ZNF398: variants seen among roughly 807,000 people sequenced by gnomAD.
The protein encoded by ZNF398 is zinc finger DNA binding protein ZER6.
ZNF398 carries 18 observed loss-of-function variants against 41.9 expected under a neutral mutation model. The ratio of observed to expected loss-of-function variants is 0.43; its 90% CI spans 0.30 to 0.64. The LOEUF (loss-of-function observed/expected upper bound fraction) is 0.64, where lower values mean the gene tolerates loss of function less well. Ranked by LOEUF, ZNF398 falls within the 30% of genes least tolerant of loss-of-function variation. The pLI, the probability that ZNF398 is intolerant of heterozygous loss-of-function variation, is 0.14. For synonymous variants in ZNF398, 260 were observed against 308.8 expected (o/e 0.84, Z 1.66); for missense variants, 669 against 822.8 (o/e 0.81, Z 2.29).
chr7:149,179,080 G>A lies in ZNF398; in HGVS notation c.1208G>A (p.Cys403Tyr), dbSNP rs1335782928. 1 of 1,613,956 alleles carries A rather than the reference G, an allele frequency of 6.2e-7. No individual in the cohort carries two copies. Among genetic ancestry groups the A allele is most frequent in the Non-Finnish European group, 8.5e-7 (1 of 1,180,026 alleles). Residue 403 changes from cysteine (C) to tyrosine (Y), a missense_variant, in exon 6 of 6, where the codon TGT becomes TAT. This residue lies in a region of ZNF398 where 290 missense variants were observed against 292.9 expected (regional missense o/e 0.99). Transcript: ENST00000475153. The surrounding 1 kb of genome is among the most constrained non-coding windows in gnomAD (Gnocchi z 6.1). ...GAGACACCCCCCACCTGCCCACACT[G>A]TGCCAGGACTTTTACTCACCCATCA... ...ASETPPTCPH[C>Y]ARTFTHPSRL...
chr7:149,128,396 G>A (rs189746160), intron 1 of ZNF398, among the ~76,000 whole-genome samples: 50 of 152,246 alleles, frequency 3.3e-4, no homozygotes, highest in African/African-American at 1.1e-3. Flanking sequence ...TTCTTAGGAT[G>A]TCTCATAGTG....
exon 1 of ZNF398, chr7:149,126,442 A>G (rs1360808239): frequency 2.8e-6 from 2 of 722,588 alleles, no homozygotes; most frequent in Non-Finnish European, 2.1e-6. Context: ...GGGCCCGGGC[A>G]CCCTCCGTGC....
chr7:149,142,889 A>G (rs80146038), upstream of ZNF398, among the ~76,000 whole-genome samples: 93 of 152,326 alleles, frequency 6.1e-4, no homozygotes, highest in African/African-American at 2.0e-3. Flanking sequence ...CCCATGGAAA[A>G]ATACAGTAAA....
At position 149,161,228 on chromosome 7, in the gene ZNF398, C is replaced by T. The variant is rs144307314; in HGVS notation, c.421-4930C>T. Among the ~76,000 whole-genome samples the T allele has an allele frequency of 9.9e-5, 15 of 152,216 alleles. No individual in the cohort carries two copies. The East Asian group carries it at 2.9e-3, about 29-fold the overall frequency. On this transcript the variant is annotated intron_variant, in intron 2 of 5. Coordinates refer to ENST00000475153, the MANE Select transcript of ZNF398 (RefSeq NM_170686.3). Reference sequence around the variant, plus strand: ...CTAGTAGAGACAATGGGCTGACAACCTGACTTCCAAAAAATATTGAGGAAA... The same window carrying T: ...CTAGTAGAGACAATGGGCTGACAACTTGACTTCCAAAAAATATTGAGGAAA...
intron 2 of ZNF398, among the ~76,000 whole-genome samples, chr7:149,157,996 C>T (rs1795021556): frequency 6.6e-6 from 1 of 150,696 alleles, no homozygotes. Context: ...GCAGGAGAAT[C>T]GCTTGAACCC....
chr7:149,166,859 CA>C lies in ZNF398; in HGVS notation c.591del (p.Glu198LysfsTer109). 1 of 1,613,202 alleles carries C rather than the reference CA, an allele frequency of 6.2e-7. No individual in the cohort carries two copies. The highest frequency in any genetic ancestry group is 8.5e-7 in the Non-Finnish European group (1 of 1,179,394). ...CCTGATGTCTTATCTCAGATTCAAC[CA>C]GAAGGGGAACATAATACAGAGGACC... ...NQPDVLSQIQ[P>X]EGEHNTEDQA... On this transcript the variant is annotated frameshift_variant, in exon 4 of 6. Transcript: ENST00000475153. LOFTEE classifies it high-confidence loss of function.
intron 1 of ZNF398, among the ~76,000 whole-genome samples, chr7:149,127,883 A>T (rs925528712): frequency 2.0e-5 from 3 of 152,088 alleles, no homozygotes; most frequent in Non-Finnish European, 4.4e-5. Flanking sequence ...TCTGTGCTTC[A>T]TTTGCTTTAT....
chr7:149,149,965 T>C lies in ZNF398; in HGVS notation c.24+2199T>C, dbSNP rs569706890. Among the ~76,000 whole-genome samples, 20 of 152,286 alleles carry C rather than the reference T, an allele frequency of 1.3e-4. No homozygotes were observed. The East Asian group carries it at 3.9e-3, about 29-fold the overall frequency. On this transcript the variant is annotated intron_variant, in intron 1 of 5. Transcript: ENST00000475153. ...CCACATGTAGGTAGTGGCTACTGTA[T>C]TGAACAGTGCCAGTCCACCCTATGG... is the stretch of plus-strand genomic sequence containing the variant.
intron 2 of ZNF398, among the ~76,000 whole-genome samples, chr7:149,159,750 T>C (rs1173594736): frequency 6.6e-6 from 1 of 151,034 alleles, no homozygotes; most frequent in Non-Finnish European, 1.5e-5. Flanking sequence ...TGAGATGGAG[T>C]CTCACTCTGT....
At chr7:149,133,675 A>G (rs1287931845) in intron 2 of ZNF398, among the ~76,000 whole-genome samples, 2 of 46,212 alleles carry the variant, frequency 4.3e-5, no homozygotes, top group Non-Finnish European at 8.6e-5. Flanking sequence ...ATATATATAT[A>G]TATACATATA....
chr7:149,141,447 C>CTTTTT lies in ZNF398; in HGVS notation c.-489-12494_-489-12490dup, dbSNP rs35331670. On this transcript the variant is annotated intron_variant, in intron 2 of 6. Transcript: ENST00000426851. ...AGTAGCTAGGATTACAGCTACTTTT[C>CTTTTT]TTTTTTTTCTTTTTTTTTTTTTTTT... Among the ~76,000 whole-genome samples, 542 of 116,748 alleles carry CTTTTT rather than the reference C, an allele frequency of 4.6e-3. 60 individuals are homozygous for CTTTTT. The highest frequency in any genetic ancestry group is 5.9e-3 in the Middle Eastern group (1 of 170). The allele number at this position is 116,748 out of a possible 152,430, so 76.6% of individuals were successfully genotyped here.
At chr7:149,166,466 A>G (rs1470985135) in intron 3 of ZNF398, among the ~76,000 whole-genome samples, 182 bp downstream of exon 3, 1 of 152,220 alleles carries the variant, frequency 6.6e-6, no homozygotes, top group Non-Finnish European at 1.5e-5. Flanking sequence ...TCTTTTTACC[A>G]AATTGTAGGA....
At chr7:149,133,678 T>TATGTGTGTGTATATATATATATACAC (rs1483673161) in intron 2 of ZNF398, among the ~76,000 whole-genome samples, 2 of 67,010 alleles carry the variant, frequency 3.0e-5, no homozygotes, top group African/African-American at 1.2e-4. Context: ...TATATATATA[T>TATGTGTGTGTATATATATATATACAC]ACATATATAT....
At chr7:149,177,323 T>A (rs893080511) in intron 5 of ZNF398, among the ~76,000 whole-genome samples, 6 of 152,120 alleles carry the variant, frequency 3.9e-5, no homozygotes, top group Non-Finnish European at 8.8e-5. Flanking sequence ...CAGGTTTGGC[T>A]TGGTGACTCG....
chr7:149,157,091 T>C (rs1370878409), intron 2 of ZNF398, among the ~76,000 whole-genome samples: 3 of 152,046 alleles, frequency 2.0e-5, no homozygotes, highest in Non-Finnish European at 2.9e-5. Context: ...CTTGAAGAAC[T>C]GGGTAGATGG....
intron 2 of ZNF398, among the ~76,000 whole-genome samples, chr7:149,130,094 C>T (rs566505151): frequency 1.1e-4 from 16 of 151,848 alleles, no homozygotes; most frequent in Admixed American, 3.3e-4. Context: ...CCACTGCACC[C>T]GGCCTATTTA....
At chr7:149,152,007 C>T (rs1020629719) in intron 1 of ZNF398, among the ~76,000 whole-genome samples, 5 of 151,814 alleles carry the variant, frequency 3.3e-5, no homozygotes, top group African/African-American at 7.3e-5. Context: ...CCGAGGAGGG[C>T]GGATCACGAG....
rs141623076 is a variant in ZNF398, at chr7:149,154,020, G to C, written c.100G>C (p.Ala34Pro). Residue 34 changes from alanine (A) to proline (P), a missense_variant, in exon 2 of 6, where the codon GCA (alanine) becomes CCA (proline). Coordinates refer to ENST00000475153, the MANE Select transcript of ZNF398 (RefSeq NM_170686.3). The stretch of plus-strand genomic sequence containing the variant: ...TCCTACACCCCCAGCAGCAAATGAG[G>C]CACACCTGCAGACAGCAGCTATCTC... Reference protein sequence around the residue: ...PLPTPPAANEAHLQTAAISLW... With the variant: ...PLPTPPAANEPHLQTAAISLW... 11 of 1,613,936 alleles carry C rather than the reference G, an allele frequency of 6.8e-6. No individual in the cohort carries two copies. Among genetic ancestry groups the C allele is most frequent in the Non-Finnish European group, 9.3e-6 (11 of 1,180,020 alleles).
intron 2 of ZNF398, among the ~76,000 whole-genome samples, chr7:149,159,490 CA>C (rs543452577): frequency 1.3e-5 from 2 of 150,642 alleles, no homozygotes; most frequent in African/African-American, 2.4e-5. Context: ...ACTAAAAATA[CA>C]AAAAAAATTA....
Sources: allele counts gnomAD v4.1 joint callset (sites outside exome capture counted in the v4.1 genomes callset), GRCh38; gene constraint gnomAD v4.1.1; regional missense constraint gnomAD v4.1.1; non-coding constraint Gnocchi (gnomAD v3.1); transcripts MANE v1.5; gene names NCBI Gene and HGNC (gene_info 2026-07-23, HGNC 2026-07-21).